Variants in MAP3K4 observed in about 807,000 individuals in gnomAD.
The protein encoded by MAP3K4 is mitogen-activated protein kinase kinase kinase 4.
Under a neutral mutation model 185.6 loss-of-function variants are expected in MAP3K4, and 67 were observed. The observed-to-expected ratio is 0.36, with a 90% CI of 0.30 to 0.44. The LOEUF (loss-of-function observed/expected upper bound fraction) is 0.44. MAP3K4 is among the 20% of genes least tolerant of loss of function. The pLI is 1.00. For synonymous variants in MAP3K4, 702 were observed against 710.4 expected (o/e 0.99, Z 0.19); for missense variants, 1,551 against 1,995.1 (o/e 0.78, Z 4.24).
At chr6:161,032,014 G>GCTA (rs1171975119) in intron 1 of MAP3K4, among the ~76,000 whole-genome samples, 1 of 152,146 alleles carries the variant, frequency 6.6e-6, no homozygotes, top group Non-Finnish European at 1.5e-5. Flanking sequence ...AAACATTTAT[G>GCTA]CTATAGTTTC....
chr6:161,079,963 C>G (rs991714305), intron 5 of MAP3K4, among the ~76,000 whole-genome samples: 4 of 152,144 alleles, frequency 2.6e-5, no homozygotes, highest in African/African-American at 9.7e-5. Flanking sequence ...ACACTGAAAC[C>G]TAGGATAGAG....
chr6:161,065,976 T>C (rs933666969), intron 3 of MAP3K4, among the ~76,000 whole-genome samples: 1 of 150,318 alleles, frequency 6.7e-6, no homozygotes, highest in Non-Finnish European at 1.5e-5. Flanking sequence ...GCAGAATGGA[T>C]ACCAGTTGAG....
Position 161,073,437 on chromosome 6 carries a change from T to A in MAP3K4, c.1951-29T>A, listed in dbSNP as rs1301191789. 6.5e-7 allele frequency: 1 copy of A among 1,539,566 alleles called. No homozygotes were observed. Among genetic ancestry groups the A allele is most frequent in the Admixed American group, 2.1e-5 (1 of 48,506 alleles). On this transcript the variant is annotated intron_variant, in intron 4 of 26. Transcript: ENST00000392142. This position sits in a 1 kb window ranked among gnomAD's most constrained non-coding sequence, Gnocchi z 4.2. ...GGATCGTCTGGTTGGAGTTTATGGCTGCTGGAACCTGTGTGTGTTGTTTTG... is the reference window on the plus strand; with the variant it reads ...GGATCGTCTGGTTGGAGTTTATGGCAGCTGGAACCTGTGTGTGTTGTTTTG...
chr6:161,115,075 G>T lies in MAP3K4; in HGVS notation c.4627-48G>T. On this transcript the variant is annotated intron_variant, in intron 25 of 26. Transcript: ENST00000392142. The surrounding 1 kb of genome is among the most constrained non-coding windows in gnomAD (Gnocchi z 6.0). ...AACAGACTGAACATTTGCGTTGTTT[G>T]TGGCTGTGTAATATTAAAATCTGAT... The T allele has an allele frequency of 6.7e-7, 1 of 1,502,882 alleles. No individual in the cohort carries two copies. Among genetic ancestry groups the T allele is most frequent in the Non-Finnish European group, 9.2e-7 (1 of 1,091,688 alleles). The allele number at this position is 1,502,882 out of a possible 1,614,324, so 93.1% of individuals were successfully genotyped here.
intron 6 of MAP3K4, among the ~76,000 whole-genome samples, chr6:161,081,627 A>G (rs1459933858): frequency 6.6e-6 from 1 of 152,152 alleles, no homozygotes; most frequent in African/African-American, 2.4e-5. Flanking sequence ...TCATGAAGAG[A>G]GCAGTGCAGA....
chr6:161,034,037 C>G lies in MAP3K4; in HGVS notation c.153-222C>G, dbSNP rs1041609024. 6.6e-6 allele frequency among the ~76,000 whole-genome samples: 1 copy of G among 152,002 alleles called. No individual in the cohort carries two copies. The highest frequency in any genetic ancestry group is 1.5e-5 in the Non-Finnish European group (1 of 67,944). On this transcript the variant is annotated intron_variant, in intron 1 of 26. Transcript: ENST00000392142. The surrounding 1 kb of genome is among the most constrained non-coding windows in gnomAD (Gnocchi z 4.4). The stretch of plus-strand genomic sequence containing the variant: ...TAACAGCTCTACCCATGTGGTACTC[C>G]TTGTTCATGGTAGGAGAAGCGGCAG...
In MAP3K4 at chr6:161,112,642, T is replaced by C. The variant is rs1209246852; in HGVS notation, c.4520-26T>C. Reference sequence around the variant, plus strand: ...TGTTGATGTGTTTATAACCCATTACTCTCAACATATCTGTGACTTTTAAAG... The same window carrying C: ...TGTTGATGTGTTTATAACCCATTACCCTCAACATATCTGTGACTTTTAAAG... On this transcript the variant is annotated intron_variant, in intron 24 of 26. Transcript: ENST00000392142. The surrounding 1 kb of genome is among the most constrained non-coding windows in gnomAD (Gnocchi z 5.1). 2.7e-6 allele frequency: 4 copies of C among 1,462,872 alleles called. No individual in the cohort carries two copies. Among genetic ancestry groups the C allele is most frequent in the Non-Finnish European group, 3.7e-6 (4 of 1,086,992 alleles). 90.6% of individuals were successfully genotyped at this position (1,462,872 alleles called of 1,614,324 possible).
chr6:161,088,005 A>T lies in MAP3K4; in HGVS notation c.2823+51A>T. On this transcript the variant is annotated intron_variant, in intron 10 of 26. Coordinates refer to ENST00000392142, the MANE Select transcript of MAP3K4 (RefSeq NM_005922.4). This position sits in a 1 kb window ranked among gnomAD's most constrained non-coding sequence, Gnocchi z 4.5. ...CAGTGTTACTTCAAGGACTTTTAGT[A>T]AGAATGAACTGTTAGCTGCTCATGA... 6.4e-7 allele frequency: 1 copy of T among 1,557,816 alleles called. No individual in the cohort carries two copies. The highest frequency in any genetic ancestry group is 8.7e-7 in the Non-Finnish European group (1 of 1,154,004).
chr6:161,089,524 A>G lies in MAP3K4; in HGVS notation c.2973+53A>G, dbSNP rs1045543488. The G allele has an allele frequency of 1.6e-5, 25 of 1,597,452 alleles. No homozygotes were observed. In the African/African-American group the frequency reaches 3.4e-4, roughly 21 times the overall value. ...AGATTTTTCCTTTTTGATGAAAGTC[A>G]GTGTGTGGTAATGTGTGTAAGGTAA... On this transcript the variant is annotated intron_variant, in intron 11 of 26. Transcript: ENST00000392142.
rs761707679 is a variant in MAP3K4 at position 161,098,367 on chromosome 6, C to G, written c.3614C>G (p.Pro1205Arg). Residue 1205 changes from proline to arginine, a missense_variant, in exon 17 of 27, where the codon CCC becomes CGC. Pro to Arg is a moderately radical substitution (Grantham distance 103). This residue lies in a region of MAP3K4 where 272 missense variants were observed against 301.2 expected (regional missense o/e 0.90). Coordinates refer to ENST00000392142, the MANE Select transcript of MAP3K4 (RefSeq NM_005922.4). The surrounding 1 kb of genome is among the most constrained non-coding windows in gnomAD (Gnocchi z 4.4). ...GCTGCTGCTGTTGCTGCCAGTCGGC[C>G]CAGCCCCTCTGGTGGTGACTCTGTG... ...AAAAAVAASR[P>R]SPSGGDSVLP... The G allele has an allele frequency of 2.4e-5, 39 of 1,613,714 alleles. No individual in the cohort carries two copies. In the South Asian group the frequency reaches 4.3e-4, roughly 18 times the overall value.
chr6:161,032,572 C>T (rs556691085), intron 1 of MAP3K4, among the ~76,000 whole-genome samples: 3 of 152,180 alleles, frequency 2.0e-5, no homozygotes, highest in Non-Finnish European at 4.4e-5. Flanking sequence ...TACTACACCA[C>T]CAAGGCTATG....
chr6:161,003,697 A>G (rs1012443331), intron 1 of MAP3K4, among the ~76,000 whole-genome samples: 8 of 152,214 alleles, frequency 5.3e-5, no homozygotes, highest in Non-Finnish European at 1.2e-4. Flanking sequence ...AAAATAACTT[A>G]AAGTGGCTGT....
At chr6:161,078,936 G>A (rs1562525112) in intron 5 of MAP3K4, among the ~76,000 whole-genome samples, 1 of 152,156 alleles carries the variant, frequency 6.6e-6, no homozygotes, top group Non-Finnish European at 1.5e-5. Flanking sequence ...AGTTGGAGCC[G>A]GGTGCGGTGG....
Position 161,051,290 on chromosome 6 carries a change from G to A in MAP3K4, c.1707+1311G>A, listed in dbSNP as rs1444050199. 2.6e-5 allele frequency among the ~76,000 whole-genome samples: 4 copies of A among 151,650 alleles called. No individual in the cohort carries two copies. The highest frequency in any genetic ancestry group is 9.7e-5 in the African/African-American group (4 of 41,224). The stretch of plus-strand genomic sequence containing the variant: ...CCTGGCTTGCTTTAAATTCATTAAC[G>A]ATAAACAACTTGGAAACTATGGAAA... On this transcript the variant is annotated intron_variant, in intron 3 of 26. Coordinates refer to ENST00000392142, the MANE Select transcript of MAP3K4 (RefSeq NM_005922.4). This position sits in a 1 kb window ranked among gnomAD's most constrained non-coding sequence, Gnocchi z 4.2.
chr6:161,057,128 G>A (rs1007839186), intron 3 of MAP3K4, among the ~76,000 whole-genome samples: 7 of 152,112 alleles, frequency 4.6e-5, no homozygotes, highest in South Asian at 2.1e-4. Context: ...AATTAGAAAC[G>A]ATCATGTAGT....
chr6:161,022,701 T>C lies in MAP3K4; in HGVS notation c.153-11558T>C, dbSNP rs1782457367. Among the ~76,000 whole-genome samples the C allele has an allele frequency of 6.6e-6, 1 of 152,172 alleles. No homozygotes were observed. Among genetic ancestry groups the C allele is most frequent in the African/African-American group, 2.4e-5 (1 of 41,440 alleles). The stretch of plus-strand genomic sequence containing the variant: ...AGATGAGCCATCCTTTTCCCTACTC[T>C]GGGGCTCAGGAATTATGCTAGTACC... On this transcript the variant is annotated intron_variant, in intron 1 of 26. Coordinates refer to ENST00000392142, the MANE Select transcript of MAP3K4 (RefSeq NM_005922.4). This position sits in a 1 kb window ranked among gnomAD's most constrained non-coding sequence, Gnocchi z 4.2.
In MAP3K4 at chr6:161,095,758, A is replaced by G. The variant is rs552821184; in HGVS notation, c.3428-1322A>G. ...TGTTTTGGCTGTGAAAAGCATCTCTATAATCAGTGTTTACCAGTAGTGAAA... is the reference window on the plus strand; with the variant it reads ...TGTTTTGGCTGTGAAAAGCATCTCTGTAATCAGTGTTTACCAGTAGTGAAA... On this transcript the variant is annotated intron_variant, in intron 15 of 26. Coordinates refer to ENST00000392142, the MANE Select transcript of MAP3K4 (RefSeq NM_005922.4). Among the ~76,000 whole-genome samples the G allele has an allele frequency of 1.2e-4, 19 of 152,326 alleles. No individual in the cohort carries two copies. The East Asian group carries it at 2.9e-3, about 23-fold the overall frequency.
rs1785416354 is a variant in MAP3K4, at chr6:161,080,798, T to C, written c.2098-83T>C. The C allele has an allele frequency of 1.5e-6, 2 of 1,303,470 alleles. No homozygotes were observed. Among genetic ancestry groups the C allele is most frequent in the Non-Finnish European group, 2.2e-6 (2 of 922,580 alleles). 80.7% of individuals were successfully genotyped at this position (1,303,470 alleles called of 1,614,324 possible). ...CCCCCGGCCCGCCCCCACTTTACCC[T>C]GCTGATGTGTAGCTTTCAGGTGAGA... On this transcript the variant is annotated intron_variant, in intron 5 of 26. Transcript: ENST00000392142. The surrounding 1 kb of genome is among the most constrained non-coding windows in gnomAD (Gnocchi z 4.8).
rs73024041 is a variant in MAP3K4, at chr6:161,017,379, A to G, written c.153-16880A>G. ...AGGGATGAGGGTGATAGAACTACTA[A>G]CTGTTTTTCTGACAAGCACGTAAGG... On this transcript the variant is annotated intron_variant, in intron 1 of 26. Transcript: ENST00000392142. The surrounding 1 kb of genome is among the most constrained non-coding windows in gnomAD (Gnocchi z 5.1). 7.8e-3 allele frequency among the ~76,000 whole-genome samples: 1,193 copies of G among 152,238 alleles called. 7 individuals carry two copies. The highest frequency in any genetic ancestry group is 0.011 in the Non-Finnish European group (727 of 67,996).
Sources: allele counts gnomAD v4.1 joint callset (sites outside exome capture counted in the v4.1 genomes callset), GRCh38; gene constraint gnomAD v4.1.1; regional missense constraint gnomAD v4.1.1; non-coding constraint Gnocchi (gnomAD v3.1); transcripts MANE v1.5; gene names NCBI Gene and HGNC (gene_info 2026-07-23, HGNC 2026-07-21).